Variants in PRL observed in about 807,000 individuals in gnomAD.
PRL encodes the protein prolactin.
In PRL, 24 loss-of-function variants were observed where a neutral mutation model predicts 21.3. The observed-to-expected ratio is 1.13, with a 90% CI of 0.82 to 1.59. The LOEUF (loss-of-function observed/expected upper bound fraction) is 1.59, where lower values mean the gene tolerates loss of function less well. Ranked by LOEUF, PRL falls within the 40% of genes most tolerant of loss-of-function variation. The pLI, the probability that PRL is intolerant of heterozygous loss-of-function variation, is 0.00. For missense variants in PRL, 243 were observed against 286.9 expected (o/e 0.85, Z 1.10); for synonymous variants, 118 against 115.7 (o/e 1.02, Z -0.13).
chr6:22,287,570 A>G lies in PRL; in HGVS notation c.516T>C (p.Asn172=). 3.7e-6 allele frequency: 6 copies of G among 1,603,364 alleles called. No individual in the cohort carries two copies. Among genetic ancestry groups the G allele is most frequent in the Non-Finnish European group, 5.1e-6 (6 of 1,173,992 alleles). Residue 172 remains asparagine, a synonymous_variant, in exon 5 of 5, where the codon AAT becomes AAC. Transcript: ENST00000306482. Reference sequence around the variant, plus strand: ...GTCCCGACCAGACAGGGTAGATCTCATTTTCTTTGGTTTCAGGATGAACCT... The same window carrying G: ...GTCCCGACCAGACAGGGTAGATCTCGTTTTCTTTGGTTTCAGGATGAACCT... ...VSQVHPETKE[N]EIYPVWSGLP...
chr6:22,293,587 G>A (rs1761099800), intron 2 of PRL, among the ~76,000 whole-genome samples: 1 of 148,366 alleles, frequency 6.7e-6, no homozygotes, highest in Non-Finnish European at 1.5e-5. Flanking sequence ...AGGGAGGAAG[G>A]AAGGAAGGAG....
Position 22,288,443 on chromosome 6 carries a change from G to C in PRL, c.493-850C>G, listed in dbSNP as rs1451006142. ...CCAGCTACTTGGGAGGCTGAGGCAT[G>C]AGGATCGCTTGAACCCAGGAGGCAG... On this transcript the variant is annotated intron_variant, in intron 4 of 4. Transcript: ENST00000306482. The surrounding 1 kb of genome is among the most constrained non-coding windows in gnomAD (Gnocchi z 4.5). Among the ~76,000 whole-genome samples, 1 of 152,084 alleles carries C rather than the reference G, an allele frequency of 6.6e-6. No individual in the cohort carries two copies. The highest frequency in any genetic ancestry group is 1.5e-5 in the Non-Finnish European group (1 of 68,016).
At chr6:22,287,868 A>C (rs1377306605) in intron 4 of PRL, among the ~76,000 whole-genome samples, 3 of 152,210 alleles carry the variant, frequency 2.0e-5, no homozygotes, top group Non-Finnish European at 4.4e-5. Context: ...GAAAGGTACT[A>C]TGTAAATATT....
chr6:22,296,546 CTT>C (rs1277755219), intron 1 of PRL, among the ~76,000 whole-genome samples: 1 of 152,206 alleles, frequency 6.6e-6, no homozygotes, highest in Non-Finnish European at 1.5e-5. Context: ...CCCACAGACT[CTT>C]TGAGTCTTAT....
At chr6:22,298,850 T>G (rs2113519752), upstream of PRL, among the ~76,000 whole-genome samples, 1 of 152,288 alleles carries the variant, frequency 6.6e-6, no homozygotes, top group South Asian at 2.1e-4. Flanking sequence ...ATCTTAAAAT[T>G]TAAAGGTGTT....
At chr6:22,293,673 G>A (rs1243295347) in intron 2 of PRL, among the ~76,000 whole-genome samples, 61 of 29,412 alleles carry the variant, frequency 2.1e-3, no homozygotes, top group Non-Finnish European at 3.1e-3. Context: ...GAAGGAAGGA[G>A]GGAAGGAAGG....
chr6:22,296,885 T>G (rs1274356135), intron 1 of PRL, 70 bp downstream of exon 1: 1 of 1,531,508 alleles, frequency 6.5e-7, no homozygotes, highest in African/African-American at 1.4e-5. Context: ...TGTTATTAGT[T>G]AAAATTTCAC....
chr6:22,302,675 AG>A (rs760152059), intron 1 of PRL, among the ~76,000 whole-genome samples: 11 of 152,200 alleles, frequency 7.2e-5, no homozygotes, highest in Non-Finnish European at 1.6e-4. Flanking sequence ...GTTGATAAAA[AG>A]TGGACAGTCA....
At chr6:22,302,645 T>C (rs1399986299) in intron 1 of PRL, among the ~76,000 whole-genome samples, 13 of 152,074 alleles carry the variant, frequency 8.5e-5, no homozygotes, top group Non-Finnish European at 5.9e-5. Flanking sequence ...AACAGAGAAA[T>C]GTGTATTTTT....
chr6:22,294,649 C>T, intron 1 of PRL, 65 bp from the exon 2 acceptor site: 2 of 1,461,394 alleles, frequency 1.4e-6, no homozygotes, highest in Non-Finnish European at 1.8e-6. Flanking sequence ...CAGAAGTAAT[C>T]CTGCCGAGGA....
At chr6:22,290,528 T>C (rs1262037092) in intron 3 of PRL, among the ~76,000 whole-genome samples, 175 bp from the exon 4 acceptor site, 4 of 152,164 alleles carry the variant, frequency 2.6e-5, no homozygotes, top group African/African-American at 9.7e-5. Context: ...ACTATTGGCC[T>C]AAACTTTGCT....
chr6:22,294,555 G>T lies in PRL; in HGVS notation c.58C>A (p.Leu20Met), dbSNP rs1761134675. ...GGGGCCACGCTCTGGCACAGGAGCA[G>T]GTTTGACACCAGCAGCAGCAGGAGG... ...GSLLLLLVSN[L>M]LLCQSVAPLP... Residue 20 changes from leucine (L) to methionine (M), a missense_variant, in exon 2 of 5, where the codon CTG (leucine) becomes ATG (methionine). Physicochemically the swap from Leu to Met is conservative, Grantham distance 15 (BLOSUM62 2). Transcript: ENST00000306482. The T allele has an allele frequency of 6.2e-7, 1 of 1,610,982 alleles. No homozygotes were observed. Among genetic ancestry groups the T allele is most frequent in the Admixed American group, 1.7e-5 (1 of 59,482 alleles).
At chr6:22,289,724 C>T (rs1451660325) in intron 4 of PRL, among the ~76,000 whole-genome samples, 3 of 152,126 alleles carry the variant, frequency 2.0e-5, no homozygotes, top group Non-Finnish European at 4.4e-5. Flanking sequence ...TGCAGCAGAT[C>T]GGGGTGAGTG....
intron 2 of PRL, among the ~76,000 whole-genome samples, chr6:22,293,617 GGGAAGGAGGGAAGGAA>G (rs1302770783): frequency 1.0e-5 from 1 of 97,082 alleles, no homozygotes; most frequent in Admixed American, 1.2e-4. Flanking sequence ...GAAGGGAGGA[GGGAAGGAGGGAAGGAA>G]GGAAGGAAGG....
intron 1 of PRL, among the ~76,000 whole-genome samples, chr6:22,295,452 C>G (rs1761154873): frequency 6.6e-6 from 1 of 152,160 alleles, no homozygotes; most frequent in African/African-American, 2.4e-5. Flanking sequence ...GCCGTGATGG[C>G]TCAGTGTTTA....
At chr6:22,291,026 T>C (rs1761038967) in intron 3 of PRL, 2 of 152,230 alleles carry the variant, frequency 1.3e-5, no homozygotes, top group South Asian at 2.1e-4. Context: ...TGAATAACCA[T>C]GGAATTCACA....
At chr6:22,300,789 G>A (rs1761269514), upstream of PRL, among the ~76,000 whole-genome samples, 1 of 152,156 alleles carries the variant, frequency 6.6e-6, no homozygotes, top group Non-Finnish European at 1.5e-5. Flanking sequence ...CATAGTGGAA[G>A]CATTTGGAAA....
At chr6:22,300,971 A>G (rs1478506976), upstream of PRL, among the ~76,000 whole-genome samples, 1 of 152,240 alleles carries the variant, frequency 6.6e-6, no homozygotes, top group East Asian at 1.9e-4. Flanking sequence ...TTTAAGGATG[A>G]CATGTCCAGA....
At chr6:22,291,601 G>A (rs1227932635) in intron 3 of PRL, among the ~76,000 whole-genome samples, 1 of 152,000 alleles carries the variant, frequency 6.6e-6, no homozygotes. Flanking sequence ...CAGTATTTGG[G>A]ATTTCTGGTT....
Sources: allele counts gnomAD v4.1 joint callset (sites outside exome capture counted in the v4.1 genomes callset), GRCh38; gene constraint gnomAD v4.1.1; non-coding constraint Gnocchi (gnomAD v3.1); transcripts MANE v1.5; gene names NCBI Gene and HGNC (gene_info 2026-07-23, HGNC 2026-07-21).